GHITM: variants seen among roughly 807,000 people sequenced by gnomAD.
The protein encoded by GHITM is growth hormone-inducible transmembrane protein.
In GHITM, 24 loss-of-function variants were observed where a neutral mutation model predicts 38.7. The observed-to-expected ratio is 0.62, with a 90% CI of 0.45 to 0.87. GHITM has a LOEUF of 0.87. Among genes scored for constraint, GHITM ranks in the 40% least tolerant of loss-of-function variants. The probability of loss-of-function intolerance (pLI) is 0.00; values close to 1 mark genes in which losing one functional copy is unlikely to be tolerated. For missense variants in GHITM, 420 were observed against 429.8 expected (o/e 0.98, Z 0.20); for synonymous variants, 154 against 147.8 (o/e 1.04, Z -0.30).
At chr10:84,150,340 A>G (rs1841598844) in intron 7 of GHITM, 97 bp downstream of exon 7, 4 of 1,017,794 alleles carry the variant, frequency 3.9e-6, no homozygotes, top group Non-Finnish European at 5.6e-6. Context: ...TTATTTTAAA[A>G]GTTTTTTTAA....
chr10:84,145,089 G>T (rs1044354526), intron 5 of GHITM, 73 bp downstream of exon 5: 2 of 1,216,590 alleles, frequency 1.6e-6, no homozygotes, highest in Non-Finnish European at 2.3e-6. Flanking sequence ...TGGAGGGAAG[G>T]GTTATTAAAT....
chr10:84,146,204 A>C (rs1387218571), intron 5 of GHITM, among the ~76,000 whole-genome samples: 2 of 152,150 alleles, frequency 1.3e-5, no homozygotes, highest in Non-Finnish European at 2.9e-5. Context: ...CTGGAGGGTA[A>C]AGAAGACGTG....
At chr10:84,147,419 G>T (rs1841566890) in intron 5 of GHITM, among the ~76,000 whole-genome samples, 1 of 152,010 alleles carries the variant, frequency 6.6e-6, no homozygotes, top group Admixed American at 6.6e-5. Context: ...TCATGTTAAG[G>T]TTTTCCCATT....
intron 7 of GHITM, 108 bp downstream of exon 7, chr10:84,150,351 AG>A: frequency 1.1e-6 from 1 of 909,518 alleles, no homozygotes; most frequent in Non-Finnish European, 1.6e-6. Context: ...GTTTTTTTAA[AG>A]ATTTATGCTA....
chr10:84,148,765 T>A lies in GHITM; in HGVS notation c.519T>A (p.Ala173=). 6.2e-7 allele frequency: 1 copy of A among 1,613,520 alleles called. No homozygotes were observed. The highest frequency in any genetic ancestry group is 8.5e-7 in the Non-Finnish European group (1 of 1,179,416). The change falls in exon 6 of 9, where the codon GCT becomes GCA. Residue 173 remains alanine (A), a synonymous_variant. Transcript: ENST00000372134. ...IGVTFAAMVG[A]GMLVRSIPYD... ...TGACCTTTGCAGCCATGGTTGGAGC[T>A]GGAATGCTGGTACGATCAATACCAT...
chr10:84,139,780 C>T (rs1320128648), intron 1 of GHITM, 187 bp downstream of exon 1: 1 of 153,124 alleles, frequency 6.5e-6, no homozygotes, highest in Non-Finnish European at 1.5e-5. Flanking sequence ...GCACAAGGCC[C>T]TGGTCAGGCG....
rs953479650 is a variant in GHITM, at chr10:84,150,764, A to G, written c.837A>G (p.Ala279=). ...TVAGATLYSV[A]MYGGLVLFSM... Reference sequence around the variant, plus strand: ...CTGGTGCCACTCTTTACTCAGTGGCAATGTACGGTGGATTAGTTCTTTTCA... The same window carrying G: ...CTGGTGCCACTCTTTACTCAGTGGCGATGTACGGTGGATTAGTTCTTTTCA... The change falls in exon 8 of 9, where the codon GCA becomes GCG. Residue 279 remains alanine, a synonymous_variant. Coordinates refer to ENST00000372134, the MANE Select transcript of GHITM (RefSeq NM_014394.3). 2 of 1,612,948 alleles carry G rather than the reference A, an allele frequency of 1.2e-6. No homozygotes were observed. Among genetic ancestry groups the G allele is most frequent in the Non-Finnish European group, 1.7e-6 (2 of 1,178,968 alleles).
intron 1 of GHITM, 130 bp from the exon 2 acceptor site, chr10:84,141,332 G>T (rs1041673040): frequency 1.8e-6 from 1 of 561,126 alleles, no homozygotes; most frequent in Non-Finnish European, 3.2e-6. Flanking sequence ...TAAAAAGGTC[G>T]CTTTATTTCC....
At chr10:84,141,719 G>A (rs1302835043) in intron 2 of GHITM, 90 bp downstream of exon 2, 26 of 1,230,748 alleles carry the variant, frequency 2.1e-5, no homozygotes, top group Non-Finnish European at 2.9e-5. Context: ...CCTTTAGTGT[G>A]TTATACGTCA....
chr10:84,140,821 G>GAGTTT (rs1841498696), intron 1 of GHITM, among the ~76,000 whole-genome samples: 1 of 152,112 alleles, frequency 6.6e-6, no homozygotes, highest in South Asian at 2.1e-4. Flanking sequence ...GTTGGTAACT[G>GAGTTT]AGTTTACTTG....
At position 84,144,014 on chromosome 10, in the gene GHITM, G is replaced by T. The variant is rs1415871797; in HGVS notation, c.249G>T (p.Trp83Cys). ...CTGCAGTTGATCAGATGGGAAGATG[G>T]TTTGTTGCTGGAGGGGCTGCTGTTG... ...KIFKIDQMGR[W>C]FVAGGAAVGL... The change falls in exon 4 of 9, where the codon TGG (tryptophan) becomes TGT (cysteine). Residue 83 changes from tryptophan (W) to cysteine (C), a missense_variant. Trp to Cys is a radical substitution (Grantham distance 215). Transcript: ENST00000372134. The T allele has an allele frequency of 1.2e-6, 2 of 1,613,746 alleles. No individual in the cohort carries two copies. Among genetic ancestry groups the T allele is most frequent in the Admixed American group, 3.3e-5 (2 of 60,034 alleles).
Position 84,142,771 on chromosome 10 carries a change from A to G in GHITM, c.229+17A>G, listed in dbSNP as rs758614231. The G allele has an allele frequency of 1.4e-5, 19 of 1,348,858 alleles. No homozygotes were observed. Among genetic ancestry groups the G allele is most frequent in the Non-Finnish European group, 1.9e-5 (18 of 940,750 alleles). The allele number at this position is 1,348,858 out of a possible 1,614,324, so 83.6% of individuals were successfully genotyped here. A position where few individuals can be genotyped will look rare whatever the true frequency, so the allele number is the denominator to read the frequency against. On this transcript the variant is annotated intron_variant, in intron 3 of 8. Coordinates refer to ENST00000372134, the MANE Select transcript of GHITM (RefSeq NM_014394.3). ...TATTTAAAAGTAGGTGGCTATCTTT[A>G]GTTTTTAACCTAGAATCTATGGATA...
At chr10:84,139,817 C>G (rs1423331258) in intron 1 of GHITM, 1 of 152,602 alleles carries the variant, frequency 6.6e-6, no homozygotes, top group African/African-American at 2.4e-5. Context: ...AGCTGTGCTT[C>G]TGTCCTCGGG....
At chr10:84,147,944 A>G (rs1012572328) in intron 5 of GHITM, among the ~76,000 whole-genome samples, 2 of 152,206 alleles carry the variant, frequency 1.3e-5, no homozygotes, top group African/African-American at 2.4e-5. Context: ...TTTAGCAAAT[A>G]TGGAGTTCAA....
chr10:84,141,271 G>C (rs1024498468), intron 1 of GHITM, among the ~76,000 whole-genome samples, 191 bp from the exon 2 acceptor site: 2 of 152,164 alleles, frequency 1.3e-5, no homozygotes, highest in Non-Finnish European at 2.9e-5. Context: ...CTCTGGGATG[G>C]GTTTCTTGCA....
chr10:84,145,418 T>C (rs1841547974), intron 5 of GHITM, among the ~76,000 whole-genome samples: 1 of 152,234 alleles, frequency 6.6e-6, no homozygotes, highest in Admixed American at 6.5e-5. Context: ...TCTAGGTAGG[T>C]CAGCTATTAT....
chr10:84,145,854 T>C (rs972899333), intron 5 of GHITM, among the ~76,000 whole-genome samples: 5 of 152,152 alleles, frequency 3.3e-5, no homozygotes, highest in African/African-American at 1.2e-4. Context: ...AAGGAGACAT[T>C]TATTTCATCA....
At chr10:84,149,859 ATGT>A (rs1414461660) in intron 6 of GHITM, among the ~76,000 whole-genome samples, 193 bp from the exon 7 acceptor site, 10 of 152,204 alleles carry the variant, frequency 6.6e-5, no homozygotes, top group Non-Finnish European at 1.5e-4. Context: ...AATAGTGTTA[ATGT>A]TGTGATATAG....
intron 3 of GHITM, among the ~76,000 whole-genome samples, chr10:84,142,999 G>C (rs1465000921): frequency 1.3e-5 from 2 of 152,008 alleles, no homozygotes; most frequent in Admixed American, 1.3e-4. Flanking sequence ...AATATGCCAT[G>C]GTCCAAAAGG....
Sources: gnomAD v4.1 joint callset for allele counts (sites outside exome capture counted in the v4.1 genomes callset) on GRCh38, gnomAD v4.1.1 for gene constraint, MANE v1.5 for transcripts, NCBI Gene and HGNC (gene_info 2026-07-23, HGNC 2026-07-21) for gene names.